The following NMRK1 variants were observed in gnomAD, a reference collection of about 807,000 sequenced individuals.
NMRK1 encodes the protein NRK 1.
In NMRK1, 28 loss-of-function variants were observed where a neutral mutation model predicts 29.9. That is an observed-to-expected ratio of 0.94 (90% CI 0.69 to 1.28). The LOEUF is 1.28. Among genes scored for constraint, NMRK1 ranks in the 50% most tolerant of loss-of-function variants. The pLI is 0.00. For synonymous variants in NMRK1, 58 were observed against 73.0 expected, an observed-to-expected ratio of 0.79 and a Z score of 1.05; for missense variants, 218 against 233.1, an observed-to-expected ratio of 0.94 and a Z score of 0.42.
At chr9:75,067,033 G>T in intron 7 of NMRK1, 193 bp from the exon 8 acceptor site, 1 of 453,748 alleles carries the variant, frequency 2.2e-6, no homozygotes, top group Admixed American at 3.9e-5. Context: ...CAAAAATATT[G>T]GATTGTTACA....
At chr9:75,063,955 C>T (rs1328541406) in intron 8 of NMRK1, among the ~76,000 whole-genome samples, 1 of 147,716 alleles carries the variant, frequency 6.8e-6, no homozygotes. Context: ...TTTTATCCCT[C>T]TTTTAAGTTT....
At chr9:75,066,713 G>T in intron 8 of NMRK1, 44 bp downstream of exon 8, 2 of 1,046,476 alleles carry the variant, frequency 1.9e-6, no homozygotes, top group South Asian at 2.5e-5. Context: ...TGATTTTCCT[G>T]GCTGTTTCTC....
At chr9:75,082,002 C>T (rs11144218) in intron 2 of NMRK1, among the ~76,000 whole-genome samples, 67,572 of 152,002 alleles carry the variant, frequency 0.44, 16,209 homozygotes, top group East Asian at 0.58. Context: ...AAATTTTTCC[C>T]GCAGCCTGCT....
At chr9:75,062,438 G>A (rs1823077015) in intron 8 of NMRK1, among the ~76,000 whole-genome samples, 1 of 152,002 alleles carries the variant, frequency 6.6e-6, no homozygotes, top group East Asian at 1.9e-4. Context: ...GTACTAAAGG[G>A]TCAATGTCAA....
chr9:75,072,310 A>C lies in NMRK1; in HGVS notation c.170-2268T>G, dbSNP rs563455358. ...CAGTCTTCCTTTGTCTGTTTGTTGC[A>C]TTACGTCTAGGGTTTTTCATTGCAG... is the stretch of plus-strand genomic sequence containing the variant. On this transcript the variant is annotated intron_variant, in intron 4 of 8. Coordinates refer to ENST00000361092, the MANE Select transcript of NMRK1 (RefSeq NM_017881.3). 2.6e-5 allele frequency among the ~76,000 whole-genome samples: 4 copies of C among 152,236 alleles called. No homozygotes were observed. In the South Asian group the frequency reaches 8.3e-4, roughly 32 times the overall value.
At chr9:75,079,584 T>A (rs1824199589) in intron 2 of NMRK1, among the ~76,000 whole-genome samples, 1 of 152,144 alleles carries the variant, frequency 6.6e-6, no homozygotes, top group South Asian at 2.1e-4. Flanking sequence ...ACAGATCGGC[T>A]AGAAGACAGT....
Position 75,066,805 on chromosome 9 carries a change from A to G in NMRK1, c.532T>C (p.Phe178Leu), listed in dbSNP as rs1448406321. The G allele has an allele frequency of 5.0e-6, 8 of 1,609,996 alleles. No individual in the cohort carries two copies. Among genetic ancestry groups the G allele is most frequent in the Non-Finnish European group, 6.8e-6 (8 of 1,176,492 alleles). The change falls in exon 8 of 9, where the codon TTT becomes CTT. Residue 178 changes from phenylalanine (F) to leucine (L), a missense_variant. By Grantham distance (22) the Phe-to-Leu change is conservative. Transcript: ENST00000361092. Reference protein sequence around the residue: ...LDGTKSEEDLFLQVYEDLIQE... With the variant: ...LDGTKSEEDLLLQVYEDLIQE... ...ATTAGATCTTCATATACTTGCAAAA[A>G]GAGGTCCTCTTCAGATTTTGTTCCA...
At chr9:75,084,412 T>C (rs1824500501) in intron 1 of NMRK1, among the ~76,000 whole-genome samples, 1 of 152,248 alleles carries the variant, frequency 6.6e-6, no homozygotes, top group South Asian at 2.1e-4. Flanking sequence ...CTTATCTAAA[T>C]ATCCCACATT....
intron 8 of NMRK1, among the ~76,000 whole-genome samples, chr9:75,064,910 C>G (rs1823250043): frequency 6.6e-6 from 1 of 152,228 alleles, no homozygotes. Flanking sequence ...AATATAACAA[C>G]AGCTACATCT....
At chr9:75,077,128 C>A in intron 4 of NMRK1, 31 bp downstream of exon 4, 1 of 1,299,804 alleles carries the variant, frequency 7.7e-7, no homozygotes. Flanking sequence ...TGAACATAAG[C>A]ATATAATATT....
intron 2 of NMRK1, among the ~76,000 whole-genome samples, chr9:75,077,846 G>T (rs1824094215): frequency 6.6e-6 from 1 of 152,108 alleles, no homozygotes; most frequent in African/African-American, 2.4e-5. Context: ...ATGTTAGACA[G>T]GCTGGTCTGA....
chr9:75,081,946 A>C (rs1422993634), intron 2 of NMRK1, among the ~76,000 whole-genome samples: 3 of 152,214 alleles, frequency 2.0e-5, no homozygotes, highest in Admixed American at 6.5e-5. Flanking sequence ...AAGACACATA[A>C]AAGAGAGAAA....
rs1823589182 is a variant in NMRK1, at chr9:75,069,793, T to C, written c.338A>G (p.Asn113Ser). Residue 113 changes from asparagine to serine, a missense_variant, in exon 6 of 9, where the codon AAT becomes AGT. Asn to Ser is a conservative substitution (Grantham distance 46). Transcript: ENST00000361092. ...FNYKPLDTIW[N>S]RSYFLTIPYE... is the part of the protein sequence containing the mutation. ...TGGAATAGTCAGGAAATAGCTTCTA[T>C]TCCATATAGTGTCAAGGGGCCTAAA... 2 of 1,613,078 alleles carry C rather than the reference T, an allele frequency of 1.2e-6. No individual in the cohort carries two copies. The highest frequency in any genetic ancestry group is 1.7e-6 in the Non-Finnish European group (2 of 1,179,428).
rs1823029897 is a variant in NMRK1, at chr9:75,061,713, T to C, written c.581-146A>G. The C allele has an allele frequency of 4.7e-6, 3 of 640,052 alleles. No individual in the cohort carries two copies. The East Asian group carries it at 8.2e-5, about 17-fold the overall frequency. The allele number at this position is 640,052 out of a possible 1,614,324, so 39.6% of individuals were successfully genotyped here. A position where few individuals can be genotyped will look rare whatever the true frequency, so the allele number is the denominator to read the frequency against. The stretch of plus-strand genomic sequence containing the variant: ...GCTGGTTTCCTGTAAAGAACTAAAT[T>C]GAGTCCAAGTCCCATTCTTTTAATC... On this transcript the variant is annotated intron_variant, in intron 8 of 8. Coordinates refer to ENST00000361092, the MANE Select transcript of NMRK1 (RefSeq NM_017881.3).
At chr9:75,067,002 T>A (rs903004261) in intron 7 of NMRK1, 162 bp from the exon 8 acceptor site, 1 of 520,574 alleles carries the variant, frequency 1.9e-6, no homozygotes, top group Non-Finnish European at 3.4e-6. Context: ...AAGAAATAGA[T>A]GCTAGCCAGC....
intron 7 of NMRK1, among the ~76,000 whole-genome samples, chr9:75,068,391 T>A (rs1265730492): frequency 6.6e-6 from 1 of 152,186 alleles, no homozygotes; most frequent in Non-Finnish European, 1.5e-5. Flanking sequence ...ATCACTAGCA[T>A]CAATCCACTC....
intron 4 of NMRK1, among the ~76,000 whole-genome samples, chr9:75,075,683 A>G (rs1823948055): frequency 6.6e-6 from 1 of 152,246 alleles, no homozygotes; most frequent in Non-Finnish European, 1.5e-5. Context: ...AGCTTGGAGT[A>G]AGGAATGAGG....
At chr9:75,074,212 C>T (rs1461168467) in intron 4 of NMRK1, among the ~76,000 whole-genome samples, 4 of 151,560 alleles carry the variant, frequency 2.6e-5, no homozygotes, top group African/African-American at 9.7e-5. Context: ...CGTGAGTTAC[C>T]GCACCTGGCC....
At chr9:75,063,082 G>A (rs1220496716) in intron 8 of NMRK1, among the ~76,000 whole-genome samples, 2 of 151,422 alleles carry the variant, frequency 1.3e-5, no homozygotes, top group South Asian at 2.1e-4. Flanking sequence ...AGGCCGAGGC[G>A]GGCGGAGGTC....
Sources: allele counts gnomAD v4.1 joint callset (sites outside exome capture counted in the v4.1 genomes callset), GRCh38; gene constraint gnomAD v4.1.1; transcripts MANE v1.5; gene names NCBI Gene and HGNC (gene_info 2026-07-23, HGNC 2026-07-21).